The following MSH3 variants were observed in gnomAD, a reference collection of about 807,000 sequenced individuals.
The protein encoded by MSH3 is mutS homolog 3.
In MSH3, 106 loss-of-function variants were observed where a neutral mutation model predicts 123.3. That is an observed-to-expected ratio of 0.86 (90% confidence interval 0.73 to 1.01). The LOEUF (loss-of-function observed/expected upper bound fraction) is 1.01, where lower values mean the gene tolerates loss of function less well. Ranked by LOEUF, MSH3 falls within the 50% of genes least tolerant of loss-of-function variation. MSH3 has a pLI of 0.00. For synonymous variants in MSH3, 515 were observed against 481.4 expected (o/e 1.07, Z -0.91); for missense variants, 1,459 against 1,347.6 (o/e 1.08, Z -1.29).
intron 19 of MSH3, among the ~76,000 whole-genome samples, chr5:80,811,886 A>G (rs912889055): frequency 2.0e-5 from 3 of 152,176 alleles, no homozygotes; most frequent in African/African-American, 7.2e-5. Flanking sequence ...TAATCTCTGT[A>G]GAATTCATTT....
Position 80,728,966 on chromosome 5 carries a change from G to C in MSH3, c.1568+1G>C. Reference sequence around the variant, plus strand: ...TGGAAAAGATGCTCTCCAAACCTGAGTAAGTGATTCCTCCAAAATTAAAAA... The same window carrying C: ...TGGAAAAGATGCTCTCCAAACCTGACTAAGTGATTCCTCCAAAATTAAAAA... On this transcript the variant is annotated splice_donor_variant, in intron 10 of 23. Transcript: ENST00000265081. LOFTEE classifies it high-confidence loss of function. The C allele has an allele frequency of 1.3e-6, 2 of 1,515,434 alleles. No homozygotes were observed. Among genetic ancestry groups the C allele is most frequent in the South Asian group, 1.1e-5 (1 of 88,738 alleles). The allele number at this position is 1,515,434 out of a possible 1,614,324, so 93.9% of individuals were successfully genotyped here.
At chr5:80,721,796 C>CA (rs749829234) in intron 8 of MSH3, among the ~76,000 whole-genome samples, 27 of 152,138 alleles carry the variant, frequency 1.8e-4, no homozygotes, top group Non-Finnish European at 2.6e-4. Flanking sequence ...AGGAAAATAG[C>CA]AAAAAATTAC....
At chr5:80,867,955 GT>G (rs1380345399) in intron 22 of MSH3, among the ~76,000 whole-genome samples, 4 of 152,102 alleles carry the variant, frequency 2.6e-5, no homozygotes, top group African/African-American at 9.7e-5. Flanking sequence ...TTTTGCTTCT[GT>G]TGCAATTGCT....
intron 12 of MSH3, among the ~76,000 whole-genome samples, chr5:80,761,305 T>C (rs1454566573): frequency 6.6e-6 from 1 of 152,078 alleles, no homozygotes; most frequent in African/African-American, 2.4e-5. Flanking sequence ...GGGGCCAGGC[T>C]CCTCCCTGCT....
At chr5:80,659,003 G>T (rs1182681386) in intron 2 of MSH3, among the ~76,000 whole-genome samples, 1 of 152,160 alleles carries the variant, frequency 6.6e-6, no homozygotes, top group Non-Finnish European at 1.5e-5. Context: ...GGAGGCCAAG[G>T]CAGGTGTATC....
chr5:80,662,840 A>AAAAATT (rs34563417), intron 2 of MSH3, among the ~76,000 whole-genome samples: 1 of 149,438 alleles, frequency 6.7e-6, no homozygotes, highest in Non-Finnish European at 1.5e-5. Flanking sequence ...AAAAAAAAAA[A>AAAAATT]TTTTATTTGG....
intron 21 of MSH3, among the ~76,000 whole-genome samples, chr5:80,859,496 G>A (rs1745973820): frequency 6.6e-6 from 1 of 151,994 alleles, no homozygotes; most frequent in African/African-American, 2.4e-5. Context: ...CATACAGTTA[G>A]GTCTTATTTT....
rs973644781 is a variant in MSH3 at position 80,659,189 on chromosome 5, G to T, written c.358+2658G>T. On this transcript the variant is annotated intron_variant, in intron 2 of 23. Coordinates refer to ENST00000265081, the MANE Select transcript of MSH3 (RefSeq NM_002439.5). ...GTGGAGGTTGTAGTGAGCCGAGATC[G>T]TGCCACTGCACTCCAAGCTGGGTGA... Among the ~76,000 whole-genome samples, 8 of 151,582 alleles carry T rather than the reference G, an allele frequency of 5.3e-5. No individual in the cohort carries two copies. In the South Asian group the frequency reaches 1.7e-3, roughly 32 times the overall value.
chr5:80,783,151 T>C (rs1254420764), intron 17 of MSH3, among the ~76,000 whole-genome samples: 3 of 152,246 alleles, frequency 2.0e-5, no homozygotes, highest in Non-Finnish European at 2.9e-5. Context: ...TCTCTAGTCA[T>C]CATAACACTA....
intron 19 of MSH3, among the ~76,000 whole-genome samples, chr5:80,806,489 A>G (rs1319551350): frequency 2.0e-5 from 3 of 152,208 alleles, no homozygotes; most frequent in Non-Finnish European, 4.4e-5. Context: ...TTTTCAAATC[A>G]TCCTTTTCCC....
At chr5:80,837,014 G>A (rs1402805320) in intron 20 of MSH3, among the ~76,000 whole-genome samples, 1 of 152,168 alleles carries the variant, frequency 6.6e-6, no homozygotes, top group Non-Finnish European at 1.5e-5. Context: ...CCTGTGTTGT[G>A]CAGAAGGAGA....
At chr5:80,703,542 C>T (rs2112839578) in intron 8 of MSH3, among the ~76,000 whole-genome samples, 1 of 152,192 alleles carries the variant, frequency 6.6e-6, no homozygotes, top group East Asian at 1.9e-4. Context: ...GCTTAGCCTC[C>T]TGTCACACTC....
At chr5:80,824,760 A>G (rs1249405134) in intron 20 of MSH3, among the ~76,000 whole-genome samples, 2 of 152,190 alleles carry the variant, frequency 1.3e-5, no homozygotes, top group African/African-American at 2.4e-5. Flanking sequence ...AAGCATTACT[A>G]TTGTATAACT....
chr5:80,719,677 A>T (rs1029022533), intron 8 of MSH3, among the ~76,000 whole-genome samples: 5 of 152,224 alleles, frequency 3.3e-5, no homozygotes, highest in Admixed American at 3.3e-4. Context: ...TTTATTTCAC[A>T]GTTGTAATAT....
At chr5:80,843,160 A>G (rs551255518) in intron 20 of MSH3, among the ~76,000 whole-genome samples, 1 of 151,940 alleles carries the variant, frequency 6.6e-6, no homozygotes, top group African/African-American at 2.4e-5. Context: ...TATTGAGATA[A>G]TCATGTGGTT....
At chr5:80,700,668 G>C (rs1750588377) in intron 8 of MSH3, among the ~76,000 whole-genome samples, 1 of 151,980 alleles carries the variant, frequency 6.6e-6, no homozygotes, top group African/African-American at 2.4e-5. Flanking sequence ...AAGTTAATAG[G>C]TGATAGTTAT....
intron 8 of MSH3, among the ~76,000 whole-genome samples, chr5:80,713,972 C>G (rs1750906056): frequency 6.6e-6 from 1 of 151,968 alleles, no homozygotes; most frequent in South Asian, 2.1e-4. Flanking sequence ...TCAAGACTGA[C>G]AGTTCTGCAA....
chr5:80,753,856 G>A lies in MSH3; in HGVS notation c.1764-7690G>A, dbSNP rs373264034. On this transcript the variant is annotated intron_variant, in intron 12 of 23. Transcript: ENST00000265081. ...GCAGTGGAAGGAGAAAGAACAGGGA[G>A]GATATACATTTATGGCTTTTATGTG... Among the ~76,000 whole-genome samples, 37 of 152,262 alleles carry A rather than the reference G, an allele frequency of 2.4e-4. No homozygotes were observed. The East Asian group carries it at 6.9e-3, about 29-fold the overall frequency.
chr5:80,678,481 GA>G (rs1188953557), intron 7 of MSH3, among the ~76,000 whole-genome samples: 2 of 152,156 alleles, frequency 1.3e-5, no homozygotes, highest in Non-Finnish European at 2.9e-5. Context: ...TGGTTACTAG[GA>G]CCATGTCACT....
Sources: allele counts gnomAD v4.1 joint callset (sites outside exome capture counted in the v4.1 genomes callset), GRCh38; gene constraint gnomAD v4.1.1; transcripts MANE v1.5; gene names NCBI Gene and HGNC (gene_info 2026-07-23, HGNC 2026-07-21).